The following RNF122 variants were observed in gnomAD, a reference collection of about 807,000 sequenced individuals.
RNF122 encodes ring finger protein 122.
RNF122 carries 17 observed loss-of-function variants against 24.2 expected under a neutral mutation model. That is an observed-to-expected ratio of 0.70 (90% CI 0.48 to 1.06). The LOEUF is 1.06. RNF122 is among the 50% of genes least tolerant of loss of function. The pLI, the probability that RNF122 is intolerant of heterozygous loss-of-function variation, is 0.00. For missense variants in RNF122, 168 were observed against 198.1 expected, an observed-to-expected ratio of 0.85 and a Z score of 0.91; for synonymous variants, 65 against 71.8, an observed-to-expected ratio of 0.91 and a Z score of 0.48.
At position 33,548,574 on chromosome 8, in the gene RNF122, T is replaced by G; in HGVS notation, c.*179A>C. 1.9e-6 allele frequency: 1 copy of G among 529,180 alleles called. No homozygotes were observed. Among genetic ancestry groups the G allele is most frequent in the Non-Finnish European group, 3.4e-6 (1 of 292,310 alleles). 32.8% of individuals were successfully genotyped at this position (529,180 alleles called of 1,614,324 possible). A position where few individuals can be genotyped will look rare whatever the true frequency, so the allele number is the denominator to read the frequency against. On this transcript the variant is annotated 3_prime_UTR_variant, in exon 6 of 6. Transcript: ENST00000256257. The stretch of plus-strand genomic sequence containing the variant: ...GAAGAAGGCTTCAGGAGGCAGGAAG[T>G]GGGGGCACATCTGGCACTGGTCTTG...
chr8:33,563,251 T>G (rs1231258362), intron 1 of RNF122, among the ~76,000 whole-genome samples: 1 of 152,144 alleles, frequency 6.6e-6, no homozygotes, highest in Non-Finnish European at 1.5e-5. Context: ...TAATTCCCCA[T>G]TTTCTTAAAA....
rs1799650336 is a variant in RNF122, at chr8:33,558,770, C to T, written c.27G>A (p.Gly9=). 6.4e-7 allele frequency: 1 copy of T among 1,553,336 alleles called. No individual in the cohort carries two copies. The highest frequency in any genetic ancestry group is 1.2e-5 in the South Asian group (1 of 85,246). The change falls in exon 2 of 6, where the codon GGG becomes GGA. Residue 9 remains glycine (G), a splice_region_variant and synonymous_variant. Coordinates refer to ENST00000256257, the MANE Select transcript of RNF122 (RefSeq NM_024787.3). ...TAACCAGTCCCAGGCCACAGAAACA[C>T]CCTGCAAAGGGAGAGAAAAAAAAAT... MHPFQWCN[G]CFCGLGLVST...
At chr8:33,565,807 C>T (rs1404284107) in intron 1 of RNF122, among the ~76,000 whole-genome samples, 1 of 152,182 alleles carries the variant, frequency 6.6e-6, no homozygotes, top group Admixed American at 6.5e-5. Context: ...GCCTCGCACC[C>T]CAGGGACAGC....
intron 1 of RNF122, among the ~76,000 whole-genome samples, chr8:33,561,805 GAAAGTGCTGGGATTACAGCGCATAAGC>G (rs1221432682): frequency 6.6e-6 from 1 of 152,060 alleles, no homozygotes. Flanking sequence ...GGCCTCCCAA[GAAAGTGCTGGGATTACAGCGCATAAGC>G]CACTGTGCCC....
At chr8:33,558,559 C>T in intron 2 of RNF122, 56 bp downstream of exon 2, 1 of 1,481,306 alleles carries the variant, frequency 6.8e-7, no homozygotes, top group Non-Finnish European at 9.1e-7. Context: ...ACCCCACAAC[C>T]CTGGTCTCCT....
intron 2 of RNF122, 25 bp downstream of exon 2, chr8:33,558,590 C>T (rs1810491078): frequency 6.4e-7 from 1 of 1,572,426 alleles, no homozygotes; most frequent in African/African-American, 1.4e-5. Context: ...GGACTCCCAC[C>T]CCGGTCAGCC....
chr8:33,557,435 G>A (rs1326514438), intron 2 of RNF122, among the ~76,000 whole-genome samples: 1 of 151,894 alleles, frequency 6.6e-6, no homozygotes. Flanking sequence ...TTCGAGACCT[G>A]CCTGGCCAAT....
chr8:33,556,186 A>C (rs1193168834), intron 2 of RNF122, among the ~76,000 whole-genome samples: 2 of 149,342 alleles, frequency 1.3e-5, no homozygotes, highest in Non-Finnish European at 3.0e-5. Flanking sequence ...TCTCAAAAAA[A>C]AAAAAAAAAA....
chr8:33,552,057 A>G (rs1315874616), intron 2 of RNF122, among the ~76,000 whole-genome samples: 1 of 152,196 alleles, frequency 6.6e-6, no homozygotes, highest in Non-Finnish European at 1.5e-5. Context: ...ACATATTCAT[A>G]TATGTTCTTA....
Position 33,551,102 on chromosome 8 carries a change from G to A in RNF122, c.229-17C>T. The stretch of plus-strand genomic sequence containing the variant: ...AAGCACCACCTGAAAAGAAAGAGGA[G>A]GCATGATGTCCAAAGAAGAACCAAC... On this transcript the variant is annotated splice_polypyrimidine_tract_variant and intron_variant, in intron 3 of 5. Coordinates refer to ENST00000256257, the MANE Select transcript of RNF122 (RefSeq NM_024787.3). 3.1e-6 allele frequency: 5 copies of A among 1,613,982 alleles called. No individual in the cohort carries two copies. In the South Asian group the frequency reaches 4.4e-5, roughly 14 times the overall value.
intron 2 of RNF122, among the ~76,000 whole-genome samples, chr8:33,557,932 C>T (rs1357474630): frequency 6.6e-6 from 1 of 152,124 alleles, no homozygotes; most frequent in Non-Finnish European, 1.5e-5. Flanking sequence ...CACTTGAGCT[C>T]AGGAGTTCGA....
intron 1 of RNF122, among the ~76,000 whole-genome samples, chr8:33,565,910 A>G (rs1810615773): frequency 6.6e-6 from 1 of 152,122 alleles, no homozygotes; most frequent in Non-Finnish European, 1.5e-5. Flanking sequence ...CTGGAGTGTA[A>G]TGGCACGATC....
intron 1 of RNF122, among the ~76,000 whole-genome samples, chr8:33,561,510 C>A (rs2128840377): frequency 6.6e-6 from 1 of 152,118 alleles, no homozygotes; most frequent in African/African-American, 2.4e-5. Context: ...CTCATTTACC[C>A]CACACGCCTG....
intron 2 of RNF122, among the ~76,000 whole-genome samples, chr8:33,556,899 C>T (rs1810460719): frequency 6.6e-6 from 1 of 152,168 alleles, no homozygotes; most frequent in South Asian, 2.1e-4. Context: ...GGAGATGTGC[C>T]TGAGGGCACT....
At chr8:33,551,483 G>T in intron 2 of RNF122, 94 bp from the exon 3 acceptor site, 2 of 1,278,960 alleles carry the variant, frequency 1.6e-6, no homozygotes, top group Non-Finnish European at 1.1e-6. Flanking sequence ...TCTTCCGAGG[G>T]CAGGGAGGGG....
intron 1 of RNF122, among the ~76,000 whole-genome samples, chr8:33,561,917 C>T (rs1663758500): frequency 6.6e-6 from 1 of 152,076 alleles, no homozygotes; most frequent in Non-Finnish European, 1.5e-5. Flanking sequence ...AAACATTCAC[C>T]CTGTCCCTTC....
At position 33,551,028 on chromosome 8, in the gene RNF122, T is replaced by C. The variant is rs774263198; in HGVS notation, c.270+16A>G. 1 of 1,613,864 alleles carries C rather than the reference T, an allele frequency of 6.2e-7. No individual in the cohort carries two copies. The highest frequency in any genetic ancestry group is 1.1e-5 in the South Asian group (1 of 91,074). On this transcript the variant is annotated intron_variant, in intron 4 of 5. Transcript: ENST00000256257. ...ACCTGCTGGGGCCCTCCTGCACACT[T>C]TCCTGGCACACTTACCCCATATAAT... is the stretch of plus-strand genomic sequence containing the variant.
chr8:33,553,869 T>C (rs1436989971), intron 2 of RNF122, among the ~76,000 whole-genome samples: 1 of 152,186 alleles, frequency 6.6e-6, no homozygotes, highest in Non-Finnish European at 1.5e-5. Context: ...AGAGCTCCAG[T>C]CCAAGTGGAC....
chr8:33,565,105 G>C (rs1242608020), intron 1 of RNF122, among the ~76,000 whole-genome samples: 1 of 152,096 alleles, frequency 6.6e-6, no homozygotes, highest in Non-Finnish European at 1.5e-5. Flanking sequence ...AAAGACCAGG[G>C]GATCTGGGAA....
Sources: allele counts gnomAD v4.1 joint callset (sites outside exome capture counted in the v4.1 genomes callset), GRCh38; gene constraint gnomAD v4.1.1; transcripts MANE v1.5; gene names NCBI Gene and HGNC (gene_info 2026-07-23, HGNC 2026-07-21).